Variants in IL1RAPL2 observed in about 807,000 individuals in gnomAD.
The protein encoded by IL1RAPL2 is interleukin 1 receptor accessory protein like 2.
Under a neutral mutation model 44.1 loss-of-function variants are expected in IL1RAPL2, and 3 were observed. The ratio of observed to expected loss-of-function variants is 0.07; its 90% CI spans 0.03 to 0.18. The LOEUF is 0.18. IL1RAPL2 is among the 10% of genes least tolerant of loss of function. The pLI, the probability that IL1RAPL2 is intolerant of heterozygous loss-of-function variation, is 1.00. For synonymous variants in IL1RAPL2, 181 were observed against 178.8 expected (o/e 1.01, Z -0.10); for missense variants, 391 against 496.4 (o/e 0.79, Z 2.02).
At chrX:105,162,279 A>T (rs1037360386) in intron 2 of IL1RAPL2, among the ~76,000 whole-genome samples, 5 of 112,196 alleles carry the variant, frequency 4.5e-5, no homozygotes, top group African/African-American at 1.6e-4. Flanking sequence ...ACAAAAAGCC[A>T]TGGGAAAGTG....
intron 6 of IL1RAPL2, among the ~76,000 whole-genome samples, chrX:105,496,920 A>G (rs997026832): frequency 8.9e-6 from 1 of 111,842 alleles, no homozygotes; most frequent in African/African-American, 3.2e-5. Context: ...CTCATGAGTG[A>G]CCACTTTGTA....
At chrX:105,363,952 T>A (rs1198700627) in intron 5 of IL1RAPL2, among the ~76,000 whole-genome samples, 1 of 111,874 alleles carries the variant, frequency 8.9e-6, no homozygotes, top group African/African-American at 3.2e-5. Context: ...TTTGATGCAA[T>A]CTAATATATT....
intron 6 of IL1RAPL2, among the ~76,000 whole-genome samples, chrX:105,669,971 C>G (rs1217728682): frequency 9.7e-6 from 1 of 103,263 alleles, no homozygotes; most frequent in Non-Finnish European, 2.0e-5. Context: ...TATTTTTTGC[C>G]TATGGATGTC....
Position 104,755,608 on chromosome X carries a change from A to G in IL1RAPL2, c.82+96613A>G, listed in dbSNP as rs755118697. Among the ~76,000 whole-genome samples the G allele has an allele frequency of 1.4e-4, 16 of 111,136 alleles. No individual in the cohort carries two copies. The South Asian group carries it at 5.7e-3, about 40-fold the overall frequency. ...CATTCTATGATCCATGAATGACACA[A>G]ATAACAGAATTGTAGTTAAAATTCT... On this transcript the variant is annotated intron_variant, in intron 2 of 10. Transcript: ENST00000372582.
chrX:105,053,390 T>C (rs2031952758), intron 2 of IL1RAPL2, among the ~76,000 whole-genome samples: 1 of 111,691 alleles, frequency 9.0e-6, no homozygotes, highest in South Asian at 3.8e-4. Flanking sequence ...GAGTGCTTAC[T>C]CTATGCCAGG....
intron 1 of IL1RAPL2, among the ~76,000 whole-genome samples, chrX:104,620,802 A>T (rs1468387155): frequency 9.4e-6 from 1 of 106,565 alleles, no homozygotes; most frequent in Non-Finnish European, 1.9e-5. Flanking sequence ...GGAGTAGTCC[A>T]TTTGTGTTCC....
intron 5 of IL1RAPL2, among the ~76,000 whole-genome samples, chrX:105,459,107 A>T (rs1946601576): frequency 8.9e-6 from 1 of 111,934 alleles, no homozygotes; most frequent in African/African-American, 3.2e-5. Flanking sequence ...GAAAAAGTTG[A>T]CTTTGGCAGA....
intron 1 of IL1RAPL2, among the ~76,000 whole-genome samples, chrX:104,633,547 G>A (rs1352026973): frequency 9.0e-5 from 10 of 111,593 alleles, no homozygotes; most frequent in Non-Finnish European, 1.9e-4. Context: ...CAGAGATTCA[G>A]CTTCTTCCTG....
chrX:105,297,049 A>T (rs537507002), intron 5 of IL1RAPL2, among the ~76,000 whole-genome samples: 1 of 112,361 alleles, frequency 8.9e-6, no homozygotes, highest in South Asian at 3.7e-4. Context: ...AAATAAAAAT[A>T]AAACAGGGAA....
At chrX:104,966,166 A>G (rs1417692814) in intron 2 of IL1RAPL2, among the ~76,000 whole-genome samples, 1 of 111,470 alleles carries the variant, frequency 9.0e-6, no homozygotes, top group Non-Finnish European at 1.9e-5. Flanking sequence ...CTCAACCTCC[A>G]TCTCCAAATG....
intron 2 of IL1RAPL2, among the ~76,000 whole-genome samples, chrX:104,833,133 GTTGT>G (rs933657247): frequency 4.5e-5 from 5 of 111,133 alleles, no homozygotes; most frequent in South Asian, 7.6e-4. Context: ...CAGTGTAAGT[GTTGT>G]TTGTTTGTTT....
At chrX:105,005,973 G>T (rs1265641776) in intron 2 of IL1RAPL2, among the ~76,000 whole-genome samples, 1 of 110,713 alleles carries the variant, frequency 9.0e-6, no homozygotes, top group Non-Finnish European at 1.9e-5. Context: ...CTTACGTTTT[G>T]TATAGATAAG....
At chrX:104,697,825 T>G (rs1482411018) in intron 2 of IL1RAPL2, among the ~76,000 whole-genome samples, 2 of 112,548 alleles carry the variant, frequency 1.8e-5, no homozygotes, top group African/African-American at 6.5e-5. Context: ...TGTGGCTGCA[T>G]AAGAAATTAC....
chrX:105,323,031 CAA>C (rs1182607654), intron 5 of IL1RAPL2, among the ~76,000 whole-genome samples: 1 of 111,787 alleles, frequency 8.9e-6, no homozygotes, highest in Non-Finnish European at 1.9e-5. Context: ...CAGCATTCAT[CAA>C]GAGAGGTCTG....
At chrX:105,164,587 A>G (rs1479149025) in intron 2 of IL1RAPL2, among the ~76,000 whole-genome samples, 2 of 112,475 alleles carry the variant, frequency 1.8e-5, no homozygotes, top group African/African-American at 3.2e-5. Context: ...AGTTATTGCA[A>G]TGGTTAGCAT....
chrX:104,655,111 A>G (rs1217502455), intron 1 of IL1RAPL2, among the ~76,000 whole-genome samples: 2 of 111,692 alleles, frequency 1.8e-5, no homozygotes, highest in Non-Finnish European at 3.8e-5. Context: ...CAATCATGTC[A>G]TCTGCAAACA....
chrX:105,197,613 C>T (rs2033682534), intron 3 of IL1RAPL2, among the ~76,000 whole-genome samples: 1 of 111,442 alleles, frequency 9.0e-6, no homozygotes, highest in Admixed American at 9.6e-5. Context: ...ATGCATTTCC[C>T]CTACTGTTTT....
intron 2 of IL1RAPL2, among the ~76,000 whole-genome samples, chrX:104,707,990 C>G (rs1931390186): frequency 8.9e-6 from 1 of 111,824 alleles, no homozygotes. Flanking sequence ...AAGCTTTACT[C>G]CCTCATCCCT....
At chrX:104,773,205 G>A (rs919226848) in intron 2 of IL1RAPL2, among the ~76,000 whole-genome samples, 1 of 111,633 alleles carries the variant, frequency 9.0e-6, no homozygotes, top group Non-Finnish European at 1.9e-5. Flanking sequence ...CACCACACCT[G>A]GCTAAAGTAC....
Sources: gnomAD v4.1 joint callset for allele counts (sites outside exome capture counted in the v4.1 genomes callset) on GRCh38, gnomAD v4.1.1 for gene constraint, MANE v1.5 for transcripts, NCBI Gene and HGNC (gene_info 2026-07-23, HGNC 2026-07-21) for gene names.